Variants in FUNDC2 observed in about 807,000 individuals in gnomAD.
The protein encoded by FUNDC2 is FUN14 domain containing 2.
Under a neutral mutation model 15.6 loss-of-function variants are expected in FUNDC2, and 4 were observed. That is an observed-to-expected ratio of 0.26 (90% CI 0.13 to 0.59). FUNDC2 has a LOEUF of 0.59. Ranked by LOEUF, FUNDC2 falls within the 20% of genes least tolerant of loss-of-function variation. The probability of loss-of-function intolerance (pLI) is 0.90; values close to 1 mark genes in which losing one functional copy is unlikely to be tolerated. For synonymous variants in FUNDC2, 44 were observed against 56.9 expected (o/e 0.77, Z 1.02); for missense variants, 98 against 149.7 (o/e 0.65, Z 1.80).
At chrX:155,029,265 C>T (rs1412337259) in intron 1 of FUNDC2, among the ~76,000 whole-genome samples, 4 of 112,075 alleles carry the variant, frequency 3.6e-5, no homozygotes, top group African/African-American at 1.3e-4. Flanking sequence ...TGGCTAAAGC[C>T]TCAGACATGA....
intron 4 of FUNDC2, among the ~76,000 whole-genome samples, chrX:155,052,218 AGAT>A (rs201856082): frequency 0.03 from 3,394 of 112,000 alleles, 41 homozygotes; most frequent in African/African-American, 0.039. Flanking sequence ...AAATAGCCAT[AGAT>A]GATATGTTAA....
Position 155,060,080 on chromosome X carries a change from A to T in FUNDC2, c.*5408A>T, listed in dbSNP as rs782079973. The T allele has an allele frequency of 3.6e-5, 4 of 112,224 alleles. No individual in the cohort carries two copies. Among genetic ancestry groups the T allele is most frequent in the Admixed American group, 9.5e-5 (1 of 10,558 alleles). The allele number at this position is 112,224 out of a possible 1,213,427, so 9.2% of individuals were successfully genotyped here. A position where few individuals can be genotyped will look rare whatever the true frequency, so the allele number is the denominator to read the frequency against. On this transcript the variant is annotated 3_prime_UTR_variant, in exon 5 of 5. Coordinates refer to ENST00000369498, the MANE Select transcript of FUNDC2 (RefSeq NM_023934.4). ...CCGAGTCTCAGGCACTTTTTATAGC[A>T]ATGCAACAATGGACTAATACATATA... is the stretch of plus-strand genomic sequence containing the variant.
chrX:155,047,544 A>G (rs2073866409), intron 3 of FUNDC2, among the ~76,000 whole-genome samples: 2 of 111,814 alleles, frequency 1.8e-5, no homozygotes, highest in Non-Finnish European at 3.8e-5. Flanking sequence ...AATGGCTTCA[A>G]ATAATGATCA....
chrX:155,046,733 G>A (rs1218525611), intron 3 of FUNDC2, 149 bp downstream of exon 3: 9 of 453,901 alleles, frequency 2.0e-5, no homozygotes, highest in South Asian at 8.4e-5. Context: ...GCTAGTGACC[G>A]TTTGAGTCAA....
chrX:155,034,636 A>G (rs1398640923), intron 2 of FUNDC2, among the ~76,000 whole-genome samples: 2 of 112,307 alleles, frequency 1.8e-5, no homozygotes, highest in African/African-American at 6.5e-5. Context: ...GCAAGGACCA[A>G]ATGAACCTGT....
In FUNDC2 at chrX:155,054,838, C is replaced by A; in HGVS notation, c.*166C>A. The A allele has an allele frequency of 2.1e-6, 1 of 466,581 alleles. No individual in the cohort carries two copies. Among genetic ancestry groups the A allele is most frequent in the Non-Finnish European group, 3.7e-6 (1 of 266,741 alleles). 38.5% of individuals were successfully genotyped at this position (466,581 alleles called of 1,213,427 possible). A position where few individuals can be genotyped will look rare whatever the true frequency, so the allele number is the denominator to read the frequency against. On this transcript the variant is annotated 3_prime_UTR_variant, in exon 5 of 5. Transcript: ENST00000369498. ...TCTGCTGGTACAAGTCAATGTGGCA[C>A]CATGAGCTTCATGGTGGCAGAAGAG...
chrX:155,054,619 G>A lies in FUNDC2; in HGVS notation c.517G>A (p.Val173Ile). ...EEVVSFVKKN[V>I]LVTGGFFGGF... The stretch of plus-strand genomic sequence containing the variant: ...GGTGGTGTCATTTGTGAAGAAGAAT[G>A]TTCTAGTAACTGGGGGATTTTTCGG... The change falls in exon 5 of 5, where the codon GTT becomes ATT. Residue 173 changes from valine (V) to isoleucine (I), a missense_variant. Physicochemically the swap from Val to Ile is conservative, Grantham distance 29. Coordinates refer to ENST00000369498, the MANE Select transcript of FUNDC2 (RefSeq NM_023934.4). 8.3e-7 allele frequency: 1 copy of A among 1,211,414 alleles called. No individual in the cohort carries two copies. The highest frequency in any genetic ancestry group is 1.1e-6 in the Non-Finnish European group (1 of 895,262).
At chrX:155,036,752 A>G (rs1034903352) in intron 2 of FUNDC2, among the ~76,000 whole-genome samples, 1 of 110,797 alleles carries the variant, frequency 9.0e-6, no homozygotes, top group Non-Finnish European at 1.9e-5. Flanking sequence ...TTCTCCACTG[A>G]ATTGTCTTTA....
chrX:155,051,733 G>C lies in FUNDC2; in HGVS notation c.424G>C (p.Ala142Pro). 1.7e-6 allele frequency: 2 copies of C among 1,210,959 alleles called. No homozygotes were observed. Among genetic ancestry groups the C allele is most frequent in the Non-Finnish European group, 2.2e-6 (2 of 894,562 alleles). Reference protein sequence around the residue: ...WQRVEKDMKKAKEQLKIRKSN... With the variant: ...WQRVEKDMKKPKEQLKIRKSN... ...ACGAGTGGAGAAGGACATGAAGAAA[G>C]CCAAAGAGCAGCTGAAGATCCGTAA... The change falls in exon 4 of 5, where the codon GCC (alanine) becomes CCC (proline). Residue 142 changes from alanine to proline, a missense_variant. Physicochemically the swap from Ala to Pro is conservative, Grantham distance 27. Transcript: ENST00000369498.
Position 155,056,751 on chromosome X carries a change from C to T in FUNDC2, c.*2079C>T, listed in dbSNP as rs1223879701. 1 of 111,119 alleles carries T rather than the reference C, an allele frequency of 9.0e-6. No individual in the cohort carries two copies. Among genetic ancestry groups the T allele is most frequent in the Non-Finnish European group, 1.9e-5 (1 of 52,995 alleles). 9.2% of individuals were successfully genotyped at this position (111,119 alleles called of 1,213,427 possible). A position where few individuals can be genotyped will look rare whatever the true frequency, so the allele number is the denominator to read the frequency against. On this transcript the variant is annotated 3_prime_UTR_variant, in exon 5 of 5. Coordinates refer to ENST00000369498, the MANE Select transcript of FUNDC2 (RefSeq NM_023934.4). ...CAAAGCTAACCAAAGTGCTCTGTGCCCCTTTGGGTTGCATGTGGGGAGACT... is the reference window on the plus strand; with the variant it reads ...CAAAGCTAACCAAAGTGCTCTGTGCTCCTTTGGGTTGCATGTGGGGAGACT...
At chrX:155,054,323 C>G in intron 4 of FUNDC2, 2 of 753,902 alleles carry the variant, frequency 2.7e-6, no homozygotes, top group South Asian at 6.8e-5. Flanking sequence ...GAGCCATTGT[C>G]TCTACCTCCT....
In FUNDC2 at chrX:155,055,203, C is replaced by T. The variant is rs2073890373; in HGVS notation, c.*531C>T. 1 of 295,932 alleles carries T rather than the reference C, an allele frequency of 3.4e-6. No individual in the cohort carries two copies. Among genetic ancestry groups the T allele is most frequent in the African/African-American group, 2.8e-5 (1 of 36,227 alleles). 24.4% of individuals were successfully genotyped at this position (295,932 alleles called of 1,213,427 possible). A position where few individuals can be genotyped will look rare whatever the true frequency, so the allele number is the denominator to read the frequency against. Reference sequence around the variant, plus strand: ...GTTATAATTATGCCGACAAAATTGGCAGCATAATTACTGTAATTGAAAAAT... The same window carrying T: ...GTTATAATTATGCCGACAAAATTGGTAGCATAATTACTGTAATTGAAAAAT... On this transcript the variant is annotated 3_prime_UTR_variant, in exon 5 of 5. Coordinates refer to ENST00000369498, the MANE Select transcript of FUNDC2 (RefSeq NM_023934.4).
At chrX:155,034,161 G>A (rs781983887) in intron 2 of FUNDC2, among the ~76,000 whole-genome samples, 1 of 112,307 alleles carries the variant, frequency 8.9e-6, no homozygotes, top group African/African-American at 3.2e-5. Context: ...CGTGGCTAGC[G>A]CCCTAGAAAC....
rs1167666915 is a variant in FUNDC2 at position 155,058,917 on chromosome X, T to C, written c.*4245T>C. The C allele has an allele frequency of 9.0e-6, 1 of 111,720 alleles. No homozygotes were observed. Among genetic ancestry groups the C allele is most frequent in the East Asian group, 2.8e-4 (1 of 3,570 alleles). 9.2% of individuals were successfully genotyped at this position (111,720 alleles called of 1,213,427 possible). ...TTTCAAAAGTGTCTACCTTTTTAAA[T>C]TTTAAAATGGTAAGAAATGACATTC... On this transcript the variant is annotated 3_prime_UTR_variant, in exon 5 of 5. Coordinates refer to ENST00000369498, the MANE Select transcript of FUNDC2 (RefSeq NM_023934.4).
Position 155,059,019 on chromosome X carries a change from C to G in FUNDC2, c.*4347C>G, listed in dbSNP as rs1349100814. ...TTTTAAAAACTACTAATGCCTGGCT[C>G]TCATCCTAGAGATTCTGATTTCACT... On this transcript the variant is annotated 3_prime_UTR_variant, in exon 5 of 5. Coordinates refer to ENST00000369498, the MANE Select transcript of FUNDC2 (RefSeq NM_023934.4). 8.9e-6 allele frequency: 1 copy of G among 111,744 alleles called. No individual in the cohort carries two copies. Among genetic ancestry groups the G allele is most frequent in the African/African-American group, 3.3e-5 (1 of 30,689 alleles). 9.2% of individuals were successfully genotyped at this position (111,744 alleles called of 1,213,427 possible).
chrX:155,045,107 A>G (rs2073858308), intron 2 of FUNDC2, among the ~76,000 whole-genome samples: 1 of 112,149 alleles, frequency 8.9e-6, no homozygotes, highest in African/African-American at 3.2e-5. Context: ...TAGAAAGACA[A>G]AATACTGCAT....
chrX:155,039,210 T>G (rs148039316), intron 2 of FUNDC2, among the ~76,000 whole-genome samples: 154 of 112,652 alleles, frequency 1.4e-3, no homozygotes, highest in Non-Finnish European at 2.2e-3. Context: ...TCAGGTTGTA[T>G]TTTTACAATT....
intron 2 of FUNDC2, among the ~76,000 whole-genome samples, chrX:155,033,823 C>T (rs2073823297): frequency 8.9e-6 from 1 of 112,036 alleles, no homozygotes; most frequent in African/African-American, 3.2e-5. Flanking sequence ...TATTTTCTAT[C>T]CTCATTTTAT....
In FUNDC2 at chrX:155,054,779, C is replaced by A; in HGVS notation, c.*107C>A. ...CTCCTCTTCTCCCATGCCTTCTTCCCTGCCATGGCAAATCTGAGTGGCTTC... is the reference window on the plus strand; with the variant it reads ...CTCCTCTTCTCCCATGCCTTCTTCCATGCCATGGCAAATCTGAGTGGCTTC... On this transcript the variant is annotated 3_prime_UTR_variant, in exon 5 of 5. Coordinates refer to ENST00000369498, the MANE Select transcript of FUNDC2 (RefSeq NM_023934.4). The A allele has an allele frequency of 1.5e-6, 1 of 684,211 alleles. No individual in the cohort carries two copies. 56.4% of individuals were successfully genotyped at this position (684,211 alleles called of 1,213,427 possible). A position where few individuals can be genotyped will look rare whatever the true frequency, so the allele number is the denominator to read the frequency against.
Sources: allele counts gnomAD v4.1 joint callset (sites outside exome capture counted in the v4.1 genomes callset), GRCh38; gene constraint gnomAD v4.1.1; transcripts MANE v1.5; gene names NCBI Gene and HGNC (gene_info 2026-07-23, HGNC 2026-07-21).